ELP3: variants seen among roughly 807,000 people sequenced by gnomAD.
ELP3 encodes elongator complex protein 3.
In ELP3, 56 loss-of-function variants were observed where a neutral mutation model predicts 74.9. The observed-to-expected ratio is 0.75, with a 90% CI of 0.60 to 0.93. ELP3 has a LOEUF of 0.93. ELP3 is among the 40% of genes least tolerant of loss of function. ELP3 has a pLI of 0.00. For synonymous variants in ELP3, 222 were observed against 239.8 expected, an observed-to-expected ratio of 0.93 and a Z score of 0.68; for missense variants, 573 against 686.5, an observed-to-expected ratio of 0.83 and a Z score of 1.85.
intron 10 of ELP3, among the ~76,000 whole-genome samples, chr8:28,140,140 G>GTGT (rs1386820937): frequency 1.3e-5 from 2 of 151,608 alleles, no homozygotes; most frequent in African/African-American, 4.8e-5. Context: ...GTGTGTGTGT[G>GTGT]TGTGTGTGTG....
chr8:28,171,464 C>T (rs545166044), intron 14 of ELP3, among the ~76,000 whole-genome samples: 2 of 151,928 alleles, frequency 1.3e-5, no homozygotes, highest in African/African-American at 4.8e-5. Flanking sequence ...TTTTTATCTT[C>T]TTTAGAGAGA....
intron 9 of ELP3, among the ~76,000 whole-genome samples, chr8:28,134,170 A>T (rs1342144012): frequency 6.6e-6 from 1 of 152,104 alleles, no homozygotes; most frequent in Non-Finnish European, 1.5e-5. Flanking sequence ...TGTGAAACAC[A>T]CTGTTCTTTA....
chr8:28,148,244 G>A (rs1281929580), intron 10 of ELP3, among the ~76,000 whole-genome samples: 1 of 152,174 alleles, frequency 6.6e-6, no homozygotes, highest in Non-Finnish European at 1.5e-5. Context: ...GGAGTCATCA[G>A]TCAATATGAG....
chr8:28,168,170 C>A (rs1814382323), intron 14 of ELP3, among the ~76,000 whole-genome samples: 1 of 152,206 alleles, frequency 6.6e-6, no homozygotes, highest in South Asian at 2.1e-4. Context: ...CTTGGCATCA[C>A]AGACTATGTT....
At chr8:28,155,830 G>A in intron 10 of ELP3, 112 bp from the exon 11 acceptor site, 1 of 793,268 alleles carries the variant, frequency 1.3e-6, no homozygotes, top group East Asian at 2.8e-5. Context: ...CAGCTTCATA[G>A]GTTTTTTGCT....
rs10095097 is a variant in ELP3 at position 28,147,793 on chromosome 8, T to A, written c.1101-8149T>A. ...TAAAAGAAATCAGTGCTTAGAAAAATGGCCATTTCCAGGGCTGGGCAGCAA... is the reference window on the plus strand; with the variant it reads ...TAAAAGAAATCAGTGCTTAGAAAAAAGGCCATTTCCAGGGCTGGGCAGCAA... On this transcript the variant is annotated intron_variant, in intron 10 of 14. Coordinates refer to ENST00000256398, the MANE Select transcript of ELP3 (RefSeq NM_018091.6). The surrounding 1 kb of genome is among the most constrained non-coding windows in gnomAD (Gnocchi z 4.5). 0.52 allele frequency among the ~76,000 whole-genome samples: 78,721 copies of A among 151,776 alleles called. 21,069 individuals carry two copies. Among genetic ancestry groups the A allele is most frequent in the East Asian group, 0.91 (4,676 of 5,162 alleles).
chr8:28,101,614 C>G (rs1232929275), intron 3 of ELP3, among the ~76,000 whole-genome samples: 1 of 142,406 alleles, frequency 7.0e-6, no homozygotes, highest in Non-Finnish European at 1.5e-5. Context: ...TTACCTGAGA[C>G]AGTCTTGTTC....
chr8:28,119,568 C>A (rs1338851664), intron 7 of ELP3, among the ~76,000 whole-genome samples: 3 of 80,044 alleles, frequency 3.7e-5, no homozygotes, highest in Non-Finnish European at 6.9e-5. Flanking sequence ...CAACTTGTGG[C>A]GTTTTATATA....
At chr8:28,163,075 T>A (rs1814166118) in intron 14 of ELP3, among the ~76,000 whole-genome samples, 1 of 152,208 alleles carries the variant, frequency 6.6e-6, no homozygotes, top group African/African-American at 2.4e-5. Context: ...AGCTTCCCCA[T>A]TCCTTATCTA....
chr8:28,155,040 A>G (rs549282183), intron 10 of ELP3, among the ~76,000 whole-genome samples: 2 of 152,344 alleles, frequency 1.3e-5, no homozygotes, highest in Non-Finnish European at 2.9e-5. Context: ...GAAGTAGCTA[A>G]TTGTATTTAA....
rs185238803 is a variant in ELP3, at chr8:28,155,123, A to G, written c.1101-819A>G. 2.6e-5 allele frequency among the ~76,000 whole-genome samples: 4 copies of G among 152,382 alleles called. No homozygotes were observed. The East Asian group carries it at 7.7e-4, about 29-fold the overall frequency. On this transcript the variant is annotated intron_variant, in intron 10 of 14. Coordinates refer to ENST00000256398, the MANE Select transcript of ELP3 (RefSeq NM_018091.6). ...CAAAAGCAAAATGAGAAGAAAAGATAATTGGCATATTCTCCACATCTTTCC... is the reference window on the plus strand; with the variant it reads ...CAAAAGCAAAATGAGAAGAAAAGATGATTGGCATATTCTCCACATCTTTCC...
At chr8:28,092,250 A>C (rs955912797), upstream of ELP3, among the ~76,000 whole-genome samples, 6 of 150,118 alleles carry the variant, frequency 4.0e-5, no homozygotes, top group African/African-American at 9.9e-5. Context: ...GTTGTTGTTG[A>C]GACAGGGTCT....
intron 8 of ELP3, 57 bp downstream of exon 8, chr8:28,129,720 T>A: frequency 1.3e-6 from 2 of 1,593,164 alleles, no homozygotes; most frequent in South Asian, 2.2e-5. Context: ...CCATTTTCTC[T>A]ACATTCATAC....
chr8:28,179,578 T>C (rs1263762030), intron 14 of ELP3, among the ~76,000 whole-genome samples: 1 of 152,202 alleles, frequency 6.6e-6, no homozygotes, highest in Non-Finnish European at 1.5e-5. Context: ...ATTCCTATTA[T>C]TACATTGTAA....
chr8:28,147,424 G>T lies in ELP3; in HGVS notation c.1101-8518G>T, dbSNP rs1285598314. On this transcript the variant is annotated intron_variant, in intron 10 of 14. Coordinates refer to ENST00000256398, the MANE Select transcript of ELP3 (RefSeq NM_018091.6). The surrounding 1 kb of genome is among the most constrained non-coding windows in gnomAD (Gnocchi z 4.5). ...GTTACATTGAGCAAAGAAGTTATTT[G>T]ATTTAGCAAATGAGTAGATGTCCTA... is the stretch of plus-strand genomic sequence containing the variant. Among the ~76,000 whole-genome samples, 2 of 152,134 alleles carry T rather than the reference G, an allele frequency of 1.3e-5. No individual in the cohort carries two copies. The highest frequency in any genetic ancestry group is 2.9e-5 in the Non-Finnish European group (2 of 68,030).
chr8:28,136,461 A>G (rs1812996253), intron 9 of ELP3, among the ~76,000 whole-genome samples: 1 of 152,222 alleles, frequency 6.6e-6, no homozygotes, highest in Non-Finnish European at 1.5e-5. Flanking sequence ...AGACTGGGTG[A>G]ACAATGGCTT....
chr8:28,112,651 C>G (rs550836347), intron 6 of ELP3: 19 of 156,744 alleles, frequency 1.2e-4, no homozygotes, highest in East Asian at 1.1e-3. Flanking sequence ...TCTAGGCTTA[C>G]CACCAAGTCT....
chr8:28,167,134 G>A (rs1814336915), intron 14 of ELP3, among the ~76,000 whole-genome samples: 1 of 152,144 alleles, frequency 6.6e-6, no homozygotes, highest in Non-Finnish European at 1.5e-5. Context: ...GAAGGGGAGA[G>A]GAGAGAAGAA....
At chr8:28,136,370 T>C (rs996042293) in intron 9 of ELP3, among the ~76,000 whole-genome samples, 2 of 152,252 alleles carry the variant, frequency 1.3e-5, no homozygotes. Flanking sequence ...TCCAAAGGAA[T>C]GTATCAGCCT....
Sources: allele counts gnomAD v4.1 joint callset (sites outside exome capture counted in the v4.1 genomes callset), GRCh38; gene constraint gnomAD v4.1.1; non-coding constraint Gnocchi (gnomAD v3.1); transcripts MANE v1.5; gene names NCBI Gene and HGNC (gene_info 2026-07-23, HGNC 2026-07-21).